Variants in ALK observed in about 807,000 individuals in gnomAD.
ALK encodes ALK receptor tyrosine kinase.
In ALK, 74 loss-of-function variants were observed where a neutral mutation model predicts 163.1. The ratio of observed to expected loss-of-function variants is 0.45; its 90% confidence interval spans 0.38 to 0.55. The LOEUF is 0.55. Ranked by LOEUF, ALK falls within the 20% of genes least tolerant of loss-of-function variation. The probability of loss-of-function intolerance (pLI) is 0.00; values close to 1 mark genes in which losing one functional copy is unlikely to be tolerated. For synonymous variants in ALK, 960 were observed against 843.2 expected, an observed-to-expected ratio of 1.14 and a Z score of -2.40; for missense variants, 2,063 against 2,105.3, an observed-to-expected ratio of 0.98 and a Z score of 0.39.
rs1668403624 is a variant in ALK at position 29,362,191 on chromosome 2, AC to A, written c.1282+21540del. Among the ~76,000 whole-genome samples, 3 of 152,322 alleles carry A rather than the reference AC, an allele frequency of 2.0e-5. No homozygotes were observed. The South Asian group carries it at 6.2e-4, about 32-fold the overall frequency. On this transcript the variant is annotated intron_variant, in intron 5 of 28. Transcript: ENST00000389048. ...GGGAAAGAAGGAGTTACTGGATGGA[AC>A]AAAAAAGGAGCCAAATACAGGAGAA... is the stretch of plus-strand genomic sequence containing the variant.
intron 1 of ALK, among the ~76,000 whole-genome samples, chr2:29,770,276 A>G (rs750234949): frequency 1.3e-5 from 2 of 152,240 alleles, no homozygotes; most frequent in Non-Finnish European, 2.9e-5. Flanking sequence ...ACCTCTAAGC[A>G]GGTAACTAGG....
intron 3 of ALK, among the ~76,000 whole-genome samples, chr2:29,677,158 A>C (rs949817961): frequency 1.2e-4 from 18 of 148,592 alleles, no homozygotes; most frequent in Non-Finnish European, 2.7e-4. Context: ...TATCCTTTCC[A>C]ATCTGTATAT....
intron 1 of ALK, among the ~76,000 whole-genome samples, chr2:29,919,321 C>T (rs1667920378): frequency 6.6e-6 from 1 of 152,122 alleles, no homozygotes; most frequent in African/African-American, 2.4e-5. Context: ...TGACAACTTT[C>T]CTTCCTTCCT....
intron 3 of ALK, among the ~76,000 whole-genome samples, chr2:29,676,387 T>C (rs1677873720): frequency 6.6e-6 from 1 of 152,100 alleles, no homozygotes; most frequent in Non-Finnish European, 1.5e-5. Flanking sequence ...ATATTCTAAG[T>C]TCATTTTTTT....
intron 1 of ALK, among the ~76,000 whole-genome samples, chr2:29,827,614 T>G (rs371438552): frequency 3.9e-5 from 6 of 152,176 alleles, no homozygotes; most frequent in African/African-American, 1.4e-4. Flanking sequence ...CTACTCCTAC[T>G]AAGAAACTGA....
chr2:29,237,240 C>G (rs1049720400), intron 13 of ALK, among the ~76,000 whole-genome samples: 4 of 152,230 alleles, frequency 2.6e-5, no homozygotes, highest in African/African-American at 9.7e-5. Context: ...AATGCCATAG[C>G]CCTTGAATTC....
chr2:29,511,522 ATTTC>A (rs1195697112), intron 4 of ALK, among the ~76,000 whole-genome samples: 2 of 152,150 alleles, frequency 1.3e-5, no homozygotes, highest in Non-Finnish European at 2.9e-5. Context: ...ATAAACCACA[ATTTC>A]TTTATCTATT....
At chr2:29,779,389 C>G (rs1035373828) in intron 1 of ALK, among the ~76,000 whole-genome samples, 7 of 152,216 alleles carry the variant, frequency 4.6e-5, no homozygotes, top group Non-Finnish European at 1.0e-4. Flanking sequence ...TTCATGCTTC[C>G]TTGGTTATAA....
chr2:29,848,347 CT>C (rs34182049), intron 1 of ALK, among the ~76,000 whole-genome samples: 4,182 of 138,628 alleles, frequency 0.03, 39 homozygotes, highest in Non-Finnish European at 0.034. Flanking sequence ...TTCAGGAAGG[CT>C]TTTTTTTTTT....
Position 29,228,924 on chromosome 2 carries a change from T to TCCCCCCCCCC in ALK, c.2774_2775insGGGGGGGGGG (p.Cys928GlyfsTer23). The TCCCCCCCCCC allele has an allele frequency of 1.8e-6, 1 of 541,054 alleles. No individual in the cohort carries two copies. The highest frequency in any genetic ancestry group is 3.8e-5 in the Admixed American group (1 of 26,166). The allele number at this position is 541,054 out of a possible 1,614,324, so 33.5% of individuals were successfully genotyped here. ...CTCCTCCACCTGAGGAGCACCCCCC[T>TCCCCCCCCCC]CCACCCCCTCCGAAACCCCCTCTTG... On this transcript the variant is annotated frameshift_variant, in exon 16 of 29. Transcript: ENST00000389048. LOFTEE classifies it high-confidence loss of function.
chr2:29,222,732 C>T lies in ALK; in HGVS notation c.3360-125G>A, dbSNP rs1037597697. The T allele has an allele frequency of 6.5e-6, 5 of 772,568 alleles. No homozygotes were observed. In the African/African-American group the frequency reaches 6.9e-5, roughly 11 times the overall value. The allele number at this position is 772,568 out of a possible 1,614,324, so 47.9% of individuals were successfully genotyped here. On this transcript the variant is annotated intron_variant, in intron 20 of 28. Coordinates refer to ENST00000389048, the MANE Select transcript of ALK (RefSeq NM_004304.5). ...ACGAGAGGCGGGGGTAACATACACACTCAGGAGTAATACCCTCAACATGGC... is the reference window on the plus strand; with the variant it reads ...ACGAGAGGCGGGGGTAACATACACATTCAGGAGTAATACCCTCAACATGGC...
At chr2:29,364,292 T>C (rs1448861112) in intron 5 of ALK, among the ~76,000 whole-genome samples, 1 of 152,162 alleles carries the variant, frequency 6.6e-6, no homozygotes, top group Admixed American at 6.5e-5. Flanking sequence ...GTTGTTTCTC[T>C]GTCCCCTCCT....
At chr2:29,695,761 A>C (rs1678538200) in intron 2 of ALK, among the ~76,000 whole-genome samples, 1 of 152,256 alleles carries the variant, frequency 6.6e-6, no homozygotes, top group Non-Finnish European at 1.5e-5. Context: ...AACATATGAA[A>C]AAAAGCTCAT....
intron 1 of ALK, among the ~76,000 whole-genome samples, chr2:29,731,316 C>G (rs1195686970): frequency 1.3e-5 from 2 of 152,228 alleles, no homozygotes; most frequent in African/African-American, 4.8e-5. Flanking sequence ...AGGGGCTCAT[C>G]ATGACTGGTG....
At chr2:29,415,126 A>G (rs1573333659) in intron 4 of ALK, among the ~76,000 whole-genome samples, 2 of 149,784 alleles carry the variant, frequency 1.3e-5, no homozygotes, top group East Asian at 3.9e-4. Context: ...TTCCCTCACT[A>G]TAAGTGACCA....
intron 6 of ALK, among the ~76,000 whole-genome samples, chr2:29,326,049 C>T (rs750306549): frequency 2.6e-5 from 4 of 152,188 alleles, no homozygotes; most frequent in Non-Finnish European, 4.4e-5. Flanking sequence ...ACTTCCCTCC[C>T]AGCAACTGCT....
chr2:29,333,688 T>C (rs1667522595), intron 5 of ALK, among the ~76,000 whole-genome samples: 1 of 152,212 alleles, frequency 6.6e-6, no homozygotes, highest in African/African-American at 2.4e-5. Context: ...CAACCTTGGC[T>C]CGTCCTAGCC....
intron 11 of ALK, among the ~76,000 whole-genome samples, chr2:29,264,103 G>A (rs558641826): frequency 2.8e-4 from 42 of 152,250 alleles, no homozygotes; most frequent in African/African-American, 8.2e-4. Context: ...TGACTTCTTC[G>A]ATGAAGAGCC....
Position 29,222,531 on chromosome 2 carries a change from G to A in ALK, c.3436C>T (p.Gln1146Ter). 2 of 1,614,172 alleles carry A rather than the reference G, an allele frequency of 1.2e-6. No individual in the cohort carries two copies. The highest frequency in any genetic ancestry group is 1.7e-6 in the Non-Finnish European group (2 of 1,180,022). Residue 1146 changes from glutamine to a stop codon, truncating the protein, a stop_gained, in exon 21 of 29, where the codon CAA (glutamine) becomes TAA (stop). Coordinates refer to ENST00000389048, the MANE Select transcript of ALK (RefSeq NM_004304.5). LOFTEE classifies it high-confidence loss of function. ...SGMPNDPSPL[Q>*]VAVKTLPEVC... The stretch of plus-strand genomic sequence containing the variant: ...CCACTTCTTACCTTCACAGCCACTT[G>A]CAGGGGGCTTGGGTCGTTGGGCATT...
Sources: allele counts gnomAD v4.1 joint callset (sites outside exome capture counted in the v4.1 genomes callset), GRCh38; gene constraint gnomAD v4.1.1; transcripts MANE v1.5; gene names NCBI Gene and HGNC (gene_info 2026-07-23, HGNC 2026-07-21).